Variants in DLG2 observed in about 807,000 individuals in gnomAD.
The protein encoded by DLG2 is disks large homolog 2.
Under a neutral mutation model 132.5 loss-of-function variants are expected in DLG2, and 45 were observed. That is an observed-to-expected ratio of 0.34 (90% CI 0.27 to 0.44). DLG2 has a LOEUF of 0.44. Among genes scored for constraint, DLG2 ranks in the 20% least tolerant of loss-of-function variants. DLG2 has a pLI of 1.00. For synonymous variants in DLG2, 424 were observed against 419.6 expected (o/e 1.01, Z -0.13); for missense variants, 1,045 against 1,196.9 (o/e 0.87, Z 1.87).
chr11:85,153,650 A>G (rs981854872), intron 5 of DLG2, among the ~76,000 whole-genome samples: 4 of 152,198 alleles, frequency 2.6e-5, no homozygotes, highest in Non-Finnish European at 4.4e-5. Context: ...GAAAGAAACC[A>G]TATTAAATAT....
At chr11:85,619,750 C>T (rs2081574984) in intron 2 of DLG2, among the ~76,000 whole-genome samples, 1 of 152,016 alleles carries the variant, frequency 6.6e-6, no homozygotes, top group African/African-American at 2.4e-5. Context: ...AGGAGAATCG[C>T]CTGAACCCAG....
chr11:83,488,779 C>CTAAAA (rs2093674116), intron 21 of DLG2, among the ~76,000 whole-genome samples: 1 of 151,952 alleles, frequency 6.6e-6, no homozygotes, highest in African/African-American at 2.4e-5. Context: ...TGTTTCTCCT[C>CTAAAA]TAAAATAATT....
chr11:84,395,028 A>G (rs566557535), intron 7 of DLG2, among the ~76,000 whole-genome samples: 8 of 152,200 alleles, frequency 5.3e-5, no homozygotes, highest in African/African-American at 1.9e-4. Context: ...CTCACTTCTC[A>G]TATTTCCCAT....
At chr11:85,498,093 T>G (rs2093709776) in intron 3 of DLG2, among the ~76,000 whole-genome samples, 1 of 152,136 alleles carries the variant, frequency 6.6e-6, no homozygotes, top group Admixed American at 6.5e-5. Context: ...TAACCTTAAA[T>G]GTAAATGGGC....
intron 19 of DLG2, among the ~76,000 whole-genome samples, chr11:83,617,302 A>T (rs1417096412): frequency 6.6e-6 from 1 of 152,180 alleles, no homozygotes; most frequent in African/African-American, 2.4e-5. Context: ...TATACCCCAC[A>T]TTTATGCATC....
chr11:84,957,584 C>A (rs908926105), intron 6 of DLG2, among the ~76,000 whole-genome samples: 1 of 152,140 alleles, frequency 6.6e-6, no homozygotes, highest in Non-Finnish European at 1.5e-5. Flanking sequence ...CTCACCCTCT[C>A]AGGCAAAATG....
intron 8 of DLG2, among the ~76,000 whole-genome samples, chr11:84,182,280 A>G (rs952976124): frequency 4.6e-5 from 7 of 152,156 alleles, no homozygotes; most frequent in African/African-American, 1.7e-4. Flanking sequence ...AGAAATCTGA[A>G]GAGAAATTGG....
intron 6 of DLG2, among the ~76,000 whole-genome samples, chr11:84,725,173 CT>C (rs1444051595): frequency 6.6e-6 from 1 of 152,100 alleles, no homozygotes; most frequent in Non-Finnish European, 1.5e-5. Flanking sequence ...GATCTAAGGT[CT>C]TAACAAATAG....
At chr11:83,468,865 C>G (rs568357647) in intron 25 of DLG2, among the ~76,000 whole-genome samples, 1 of 152,232 alleles carries the variant, frequency 6.6e-6, no homozygotes, top group Admixed American at 6.5e-5. Context: ...ATAACTTCCT[C>G]TAACAAAATA....
intron 19 of DLG2, among the ~76,000 whole-genome samples, chr11:83,574,705 A>G (rs2096848234): frequency 1.3e-5 from 2 of 152,216 alleles, no homozygotes; most frequent in Non-Finnish European, 2.9e-5. Context: ...TGAGTAATCA[A>G]GAACCTCCCA....
intron 6 of DLG2, among the ~76,000 whole-genome samples, chr11:84,850,554 G>A (rs2082052039): frequency 6.6e-6 from 1 of 152,060 alleles, no homozygotes; most frequent in African/African-American, 2.4e-5. Context: ...TCTAGCCAGG[G>A]CAATTAGTCA....
chr11:84,445,040 C>G (rs1257177007), intron 7 of DLG2, among the ~76,000 whole-genome samples: 2 of 152,046 alleles, frequency 1.3e-5, no homozygotes, highest in African/African-American at 4.8e-5. Context: ...TGACCTCAGG[C>G]AGACCAGGTA....
intron 3 of DLG2, among the ~76,000 whole-genome samples, chr11:85,488,874 G>A (rs757921904): frequency 1.3e-5 from 2 of 152,120 alleles, no homozygotes; most frequent in Non-Finnish European, 2.9e-5. Flanking sequence ...AAACTTGGAA[G>A]TGATGGAACA....
chr11:84,917,453 C>A (rs1013316499), intron 6 of DLG2, among the ~76,000 whole-genome samples: 1 of 152,164 alleles, frequency 6.6e-6, no homozygotes, highest in Non-Finnish European at 1.5e-5. Context: ...TCCAGTGGAA[C>A]AGACTTGGTT....
rs1282658214 is a variant in DLG2, at chr11:85,022,920, C to T, written c.357+88741G>A. On this transcript the variant is annotated intron_variant, in intron 6 of 27. Coordinates refer to ENST00000376104, the MANE Select transcript of DLG2 (RefSeq NM_001142699.3). ...ATATAAAACCTTAATGACATATCCT[C>T]CAAGGGAAAAAAATCTTACCCAACT... 3.9e-5 allele frequency among the ~76,000 whole-genome samples: 6 copies of T among 152,002 alleles called. No individual in the cohort carries two copies. The East Asian group carries it at 1.2e-3, about 29-fold the overall frequency.
chr11:84,851,169 C>T, intron 6 of DLG2, among the ~76,000 whole-genome samples: 1 of 152,032 alleles, frequency 6.6e-6, no homozygotes, highest in East Asian at 1.9e-4. Context: ...CCAAGAGTAG[C>T]CATTATACAG....
intron 6 of DLG2, among the ~76,000 whole-genome samples, chr11:84,901,312 G>C (rs1402989300): frequency 1.3e-5 from 2 of 152,022 alleles, no homozygotes; most frequent in Non-Finnish European, 2.9e-5. Context: ...TGAGAAGGAA[G>C]GGATGAGGAA....
At chr11:83,584,303 C>T (rs920507865) in intron 19 of DLG2, among the ~76,000 whole-genome samples, 11 of 152,144 alleles carry the variant, frequency 7.2e-5, no homozygotes, top group African/African-American at 2.2e-4. Flanking sequence ...AATACACTTA[C>T]GAAAATATGT....
intron 6 of DLG2, among the ~76,000 whole-genome samples, chr11:84,550,699 T>C (rs1038075298): frequency 1.2e-4 from 19 of 152,210 alleles, no homozygotes; most frequent in African/African-American, 4.3e-4. Context: ...ATATATCCTC[T>C]GTGACACTAT....
Sources: gnomAD v4.1 joint callset for allele counts (sites outside exome capture counted in the v4.1 genomes callset) on GRCh38, gnomAD v4.1.1 for gene constraint, MANE v1.5 for transcripts, NCBI Gene and HGNC (gene_info 2026-07-23, HGNC 2026-07-21) for gene names.